Variants in CRB1 observed in about 807,000 individuals in gnomAD.
CRB1 encodes crumbs cell polarity complex component 1.
CRB1 carries 83 observed loss-of-function variants against 120.0 expected under a neutral mutation model. The observed-to-expected ratio is 0.69, with a 90% CI of 0.58 to 0.83. The LOEUF is 0.83. Among genes scored for constraint, CRB1 ranks in the 40% least tolerant of loss-of-function variants. The pLI, the probability that CRB1 is intolerant of heterozygous loss-of-function variation, is 0.00. For missense variants in CRB1, 1,699 were observed against 1,687.6 expected, an observed-to-expected ratio of 1.01 and a Z score of -0.12; for synonymous variants, 625 against 612.5, an observed-to-expected ratio of 1.02 and a Z score of -0.30.
At chr1:197,457,184 T>C (rs943279139) in intron 11 of CRB1, among the ~76,000 whole-genome samples, 5 of 152,232 alleles carry the variant, frequency 3.3e-5, no homozygotes, top group African/African-American at 9.6e-5. Context: ...CTTGTTGCCA[T>C]ACAATCCTAA....
At chr1:197,406,597 A>T (rs1204994758) in intron 5 of CRB1, among the ~76,000 whole-genome samples, 2 of 152,208 alleles carry the variant, frequency 1.3e-5, no homozygotes, top group African/African-American at 2.4e-5. Context: ...ATAAAAAATA[A>T]TGTGCTCAAT....
At chr1:197,217,191 T>C in the CRB1 span, among the ~76,000 whole-genome samples, 6,364 of 152,234 alleles carry the variant, frequency 0.042, 210 homozygotes, top group Non-Finnish European at 0.064. Flanking sequence ...TAAAGTACCA[T>C]TTCATACCTA....
intron 1 of CRB1, among the ~76,000 whole-genome samples, chr1:197,288,731 G>A (rs1442796421): frequency 2.0e-5 from 3 of 151,724 alleles, no homozygotes; most frequent in South Asian, 2.1e-4. Context: ...AGACGTTGAA[G>A]GGAAGGTTAG....
chr1:197,472,787 G>T (rs539606723), intron 11 of CRB1, among the ~76,000 whole-genome samples: 1 of 152,230 alleles, frequency 6.6e-6, no homozygotes, highest in East Asian at 1.9e-4. Flanking sequence ...AACCCGAAGC[G>T]CCTCCTTGTT....
chr1:197,326,052 T>C (rs1170733566), intron 1 of CRB1, among the ~76,000 whole-genome samples: 2 of 152,152 alleles, frequency 1.3e-5, no homozygotes, highest in Non-Finnish European at 2.9e-5. Flanking sequence ...TTAAATAGAA[T>C]TTTGAAAAAG....
chr1:197,347,514 C>T lies in CRB1; in HGVS notation c.988+35C>T, dbSNP rs2275251. ...AAAATACCTTCCACCAATTATTTTT[C>T]ATTTGTTTAGAATACACATATCGCT... On this transcript the variant is annotated intron_variant, in intron 4 of 11. Transcript: ENST00000367400. The T allele has an allele frequency of 0.04, 63,803 of 1,609,594 alleles. 1,797 individuals are homozygous for T. The highest frequency in any genetic ancestry group is 0.11 in the East Asian group (5,058 of 44,804).
rs192969569 is a variant in CRB1, at chr1:197,452,669, G to T, written c.4005+10377G>T. On this transcript the variant is annotated intron_variant, in intron 11 of 11. Transcript: ENST00000367400. ...CACAACAAATAGGGATCAGAGCAAG[G>T]TTTAGAACCTGGGAGTACTTACTTC... Among the ~76,000 whole-genome samples the T allele has an allele frequency of 6.1e-3, 934 of 152,272 alleles. 7 individuals are homozygous for T. Among genetic ancestry groups the T allele is most frequent in the African/African-American group, 0.021 (869 of 41,564 alleles).
intron 1 of CRB1, among the ~76,000 whole-genome samples, chr1:197,292,588 C>G (rs1656254299): frequency 6.6e-6 from 1 of 152,014 alleles, no homozygotes; most frequent in Non-Finnish European, 1.5e-5. Flanking sequence ...ATACAAAAGC[C>G]TGGCACAGAC....
intron 11 of CRB1, among the ~76,000 whole-genome samples, chr1:197,469,746 C>A (rs753053220): frequency 6.6e-6 from 1 of 152,200 alleles, no homozygotes; most frequent in Non-Finnish European, 1.5e-5. Flanking sequence ...TCACATGTAG[C>A]AAATGATAGC....
intron 9 of CRB1, among the ~76,000 whole-genome samples, chr1:197,436,069 C>T (rs1390954989): frequency 6.6e-6 from 1 of 152,104 alleles, no homozygotes; most frequent in Non-Finnish European, 1.5e-5. Context: ...GACTCTTGAA[C>T]AACGCAGGGG....
chr1:197,253,821 G>GT, the CRB1 span, among the ~76,000 whole-genome samples: 4 of 151,896 alleles, frequency 2.6e-5, no homozygotes, highest in Non-Finnish European at 5.9e-5. Flanking sequence ...AACTATCAAG[G>GT]TTTTAAGGAA....
At chr1:197,356,511 T>G (rs1038048725) in intron 4 of CRB1, among the ~76,000 whole-genome samples, 6 of 152,230 alleles carry the variant, frequency 3.9e-5, no homozygotes, top group African/African-American at 1.4e-4. Context: ...AATTCACAAA[T>G]GAGTATTTGA....
At chr1:197,475,140 A>T (rs545659251) in intron 11 of CRB1, among the ~76,000 whole-genome samples, 1 of 152,266 alleles carries the variant, frequency 6.6e-6, no homozygotes, top group African/African-American at 2.4e-5. Flanking sequence ...ATAACCCAGA[A>T]TTTTTCACAG....
intron 4 of CRB1, among the ~76,000 whole-genome samples, chr1:197,354,838 GCCCACCCCCCCCC>G (rs1660366718): frequency 6.0e-4 from 9 of 14,964 alleles, no homozygotes; most frequent in Non-Finnish European, 1.0e-3. Context: ...CCCCCCCCCC[GCCCACCCCCCCCC>G]CCCCGCCCAC....
chr1:197,258,051 G>A, the CRB1 span, among the ~76,000 whole-genome samples: 1 of 152,038 alleles, frequency 6.6e-6, no homozygotes, highest in Non-Finnish European at 1.5e-5. Context: ...TTAAATACTT[G>A]ATATTATCTT....
At chr1:197,367,757 C>T (rs1365265024) in intron 5 of CRB1, among the ~76,000 whole-genome samples, 6 of 152,194 alleles carry the variant, frequency 3.9e-5, no homozygotes, top group South Asian at 2.1e-4. Flanking sequence ...GTCTCTGGAA[C>T]GCTACATTGT....
intron 5 of CRB1, among the ~76,000 whole-genome samples, chr1:197,370,483 C>T (rs546165258): frequency 2.0e-5 from 3 of 152,262 alleles, no homozygotes; most frequent in East Asian, 1.9e-4. Flanking sequence ...AGTACACTCT[C>T]AGACCACAGT....
At chr1:197,364,117 G>T in intron 5 of CRB1, 1 of 907,402 alleles carries the variant, frequency 1.1e-6, no homozygotes, top group South Asian at 2.1e-5. Context: ...TGAGGCTTGT[G>T]GATGGGACAC....
At chr1:197,317,437 CAAAA>C (rs1007615084) in intron 1 of CRB1, among the ~76,000 whole-genome samples, 1 of 151,066 alleles carries the variant, frequency 6.6e-6, no homozygotes, top group African/African-American at 2.4e-5. Flanking sequence ...AAAAACAAAA[CAAAA>C]CAAACAAACA....
Sources: allele counts gnomAD v4.1 joint callset (sites outside exome capture counted in the v4.1 genomes callset), GRCh38; gene constraint gnomAD v4.1.1; transcripts MANE v1.5; gene names NCBI Gene and HGNC (gene_info 2026-07-23, HGNC 2026-07-21).